Variants in ZNF879 observed in about 807,000 individuals in gnomAD.
ZNF879 encodes zinc finger protein 879.
In ZNF879, 32 loss-of-function variants were observed where a neutral mutation model predicts 44.3. The ratio of observed to expected loss-of-function variants is 0.72; its 90% CI spans 0.54 to 0.97. The LOEUF is 0.97. Among genes scored for constraint, ZNF879 ranks in the 50% least tolerant of loss-of-function variants. ZNF879 has a pLI of 0.00. For synonymous variants in ZNF879, 234 were observed against 233.2 expected (o/e 1.00, Z -0.03); for missense variants, 621 against 669.7 (o/e 0.93, Z 0.80).
chr5:179,030,481 A>G (rs1761389835), intron 4 of ZNF879, among the ~76,000 whole-genome samples: 1 of 152,262 alleles, frequency 6.6e-6, no homozygotes, highest in Non-Finnish European at 1.5e-5. Flanking sequence ...TTATATTGCC[A>G]TTAAAATGAT....
intron 2 of ZNF879, among the ~76,000 whole-genome samples, chr5:179,026,390 T>G (rs1432306596): frequency 6.6e-6 from 1 of 152,226 alleles, no homozygotes; most frequent in Non-Finnish European, 1.5e-5. Flanking sequence ...AAAAGTTAAC[T>G]TTTTCTGGTG....
In ZNF879 at chr5:179,034,532, A is replaced by C. The variant is rs908059898; in HGVS notation, c.*892A>C. The C allele has an allele frequency of 1.3e-5, 2 of 152,252 alleles. No individual in the cohort carries two copies. Among genetic ancestry groups the C allele is most frequent in the African/African-American group, 4.8e-5 (2 of 41,468 alleles). 9.4% of individuals were successfully genotyped at this position (152,252 alleles called of 1,614,324 possible). On this transcript the variant is annotated 3_prime_UTR_variant, in exon 5 of 5. Coordinates refer to ENST00000444149, the MANE Select transcript of ZNF879 (RefSeq NM_001136116.3). ...AAGGCCCAGGAACAATGTAGAACTC[A>C]GGTCATCATCCTTGGAGGTAAAATG...
At position 179,027,534 on chromosome 5, in the gene ZNF879, A is replaced by T; in HGVS notation, c.95A>T (p.Asp32Val). ...AGCCAGGACGAGTGGTTGCACCTGGACTCTGCCCAGAGAGCCTTGTACCGG... is the reference window on the plus strand; with the variant it reads ...AGCCAGGACGAGTGGTTGCACCTGGTCTCTGCCCAGAGAGCCTTGTACCGG... ...FFSQDEWLHL[D>V]SAQRALYREV... The change falls in exon 3 of 5, where the codon GAC becomes GTC. Residue 32 changes from aspartate (D) to valine (V), a missense_variant. Coordinates refer to ENST00000444149, the MANE Select transcript of ZNF879 (RefSeq NM_001136116.3). 1.2e-6 allele frequency: 2 copies of T among 1,614,020 alleles called. No homozygotes were observed. The highest frequency in any genetic ancestry group is 2.2e-5 in the South Asian group (2 of 91,068).
At chr5:179,025,298 C>T (rs1252291350) in intron 2 of ZNF879, among the ~76,000 whole-genome samples, 6 of 151,824 alleles carry the variant, frequency 4.0e-5, no homozygotes, top group Non-Finnish European at 8.8e-5. Context: ...TGGCTCACTG[C>T]AGCCTCAACC....
At chr5:179,024,882 A>G in intron 1 of ZNF879, 88 bp from the exon 2 acceptor site, 7 of 1,048,086 alleles carry the variant, frequency 6.7e-6, no homozygotes, top group Non-Finnish European at 9.9e-6. Flanking sequence ...GCAGGTGCTC[A>G]GCTTATGGCT....
Position 179,028,040 on chromosome 5 carries a change from T to A in ZNF879, c.169T>A (p.Phe57Ile). 6.4e-7 allele frequency: 1 copy of A among 1,551,476 alleles called. No individual in the cohort carries two copies. Among genetic ancestry groups the A allele is most frequent in the Non-Finnish European group, 8.7e-7 (1 of 1,146,874 alleles). ...TTCTTGTTCATGAACAGGGATTCTC[T>A]TTTCCAAGCCAAAGGTCATCTCCCA... The part of the protein sequence containing the change: ...YSILVSLGIL[F>I]SKPKVISQLE... The change falls in exon 4 of 5, where the codon TTT becomes ATT. Residue 57 changes from phenylalanine (F) to isoleucine (I), a missense_variant. Transcript: ENST00000444149.
intron 4 of ZNF879, among the ~76,000 whole-genome samples, chr5:179,028,642 A>G (rs1761336551): frequency 1.3e-5 from 2 of 152,176 alleles, no homozygotes; most frequent in African/African-American, 4.8e-5. Context: ...ACAAACGGTA[A>G]CAGTTACGGA....
chr5:179,027,993 T>C (rs1233999920), intron 3 of ZNF879, 39 bp from the exon 4 acceptor site: 3 of 1,537,148 alleles, frequency 2.0e-6, no homozygotes, highest in Non-Finnish European at 2.6e-6. Flanking sequence ...ACCCGCCTGC[T>C]ACGATGGCCG....
At chr5:179,029,799 A>T (rs536539479) in intron 4 of ZNF879, among the ~76,000 whole-genome samples, 54 of 152,334 alleles carry the variant, frequency 3.5e-4, no homozygotes, top group Non-Finnish European at 2.2e-4. Context: ...AAGATTGATT[A>T]TACAGTTTGT....
At chr5:179,027,450 C>T (rs368575719) in intron 2 of ZNF879, 23 bp from the exon 3 acceptor site, 3 of 1,612,878 alleles carry the variant, frequency 1.9e-6, no homozygotes, top group Non-Finnish European at 8.5e-7. Context: ...CCTGGATGAA[C>T]AGGAGTGGGT....
intron 4 of ZNF879, among the ~76,000 whole-genome samples, chr5:179,030,968 G>C (rs989281541): frequency 2.0e-5 from 3 of 152,098 alleles, no homozygotes; most frequent in African/African-American, 7.2e-5. Flanking sequence ...CTCTTTCATT[G>C]CCTCTGCGCT....
rs1411498616 is a variant in ZNF879 at position 179,028,024 on chromosome 5, A to G, written c.161-8A>G. 5 of 1,551,228 alleles carry G rather than the reference A, an allele frequency of 3.2e-6. No individual in the cohort carries two copies. The highest frequency in any genetic ancestry group is 2.6e-6 in the Non-Finnish European group (3 of 1,146,818). The stretch of plus-strand genomic sequence containing the variant: ...GGCCGCTCACGTTTCTTTCTTGTTC[A>G]TGAACAGGGATTCTCTTTTCCAAGC... On this transcript the variant is annotated splice_polypyrimidine_tract_variant and splice_region_variant and intron_variant, in intron 3 of 4. Transcript: ENST00000444149.
At chr5:179,027,069 G>A (rs1761293152) in intron 2 of ZNF879, among the ~76,000 whole-genome samples, 1 of 152,184 alleles carries the variant, frequency 6.6e-6, no homozygotes, top group Non-Finnish European at 1.5e-5. Flanking sequence ...GCAGAACTAG[G>A]ACTCAGTGAC....
rs1480669218 is a variant in ZNF879 at position 179,033,107 on chromosome 5, C to T, written c.1159C>T (p.Leu387Phe). ...AAAAGTATTCAGCTATCACTCAGCC[C>T]TTATCATACATCAGAGAATTCACAC... ...CGKVFSYHSA[L>F]IIHQRIHTGE... Residue 387 changes from leucine (L) to phenylalanine (F), a missense_variant, in exon 5 of 5, where the codon CTT becomes TTT. Physicochemically the swap from Leu to Phe is conservative, Grantham distance 22 (BLOSUM62 0). Coordinates refer to ENST00000444149, the MANE Select transcript of ZNF879 (RefSeq NM_001136116.3). The T allele has an allele frequency of 1.3e-6, 2 of 1,576,748 alleles. No homozygotes were observed. Among genetic ancestry groups the T allele is most frequent in the Admixed American group, 1.9e-5 (1 of 53,786 alleles).
At chr5:179,025,903 C>T (rs139110979) in intron 2 of ZNF879, among the ~76,000 whole-genome samples, 35 of 144,380 alleles carry the variant, frequency 2.4e-4, no homozygotes, top group African/African-American at 9.0e-4. Context: ...CGTGACACAG[C>T]GAGACTCCGT....
Position 179,033,160 on chromosome 5 carries a change from ATG to A in ZNF879, c.1215_1216del (p.Cys405TrpfsTer26), listed in dbSNP as rs766647489. The A allele has an allele frequency of 7.6e-5, 121 of 1,592,066 alleles. No individual in the cohort carries two copies. Among genetic ancestry groups the A allele is most frequent in the Non-Finnish European group, 9.0e-5 (105 of 1,168,938 alleles). ...GTGAGAAACCATATGCATGCAAAGA[ATG>A]TGGGAAAGCCTTCAGCCAAAGCTCA... ...TGEKPYACKE[C>X]GKAFSQSSAL... On this transcript the variant is annotated frameshift_variant, in exon 5 of 5. Coordinates refer to ENST00000444149, the MANE Select transcript of ZNF879 (RefSeq NM_001136116.3). LOFTEE classifies it high-confidence loss of function.
chr5:179,027,035 C>A (rs1396872176), intron 2 of ZNF879, among the ~76,000 whole-genome samples: 1 of 152,194 alleles, frequency 6.6e-6, no homozygotes, highest in African/African-American at 2.4e-5. Flanking sequence ...TTTCCCAGGA[C>A]TCATAGAGAT....
Position 179,033,469 on chromosome 5 carries a change from T to C in ZNF879, c.1521T>C (p.Thr507=). The C allele has an allele frequency of 6.4e-7, 1 of 1,565,768 alleles. No homozygotes were observed. Among genetic ancestry groups the C allele is most frequent in the Non-Finnish European group, 8.7e-7 (1 of 1,155,162 alleles). Residue 507 remains threonine, a synonymous_variant, in exon 5 of 5, where the codon ACT becomes ACC. Coordinates refer to ENST00000444149, the MANE Select transcript of ZNF879 (RefSeq NM_001136116.3). ...SALIQHQRIH[T]GEKPYNCKVC... ...TAATTCAGCACCAGAGAATTCATAC[T>C]GGAGAGAAACCATATAATTGTAAAG...
rs762759832 is a variant in ZNF879 at position 179,033,575 on chromosome 5, A to G, written c.1627A>G (p.Lys543Glu). ...IHTGEKPYKC[K>E]ECGKAFSQSS... ...TACAGGGGAAAAACCTTATAAATGT[A>G]AAGAATGTGGGAAGGCTTTTAGTCA... Residue 543 changes from lysine to glutamate, a missense_variant, in exon 5 of 5, where the codon AAA becomes GAA. Lys to Glu is a moderately conservative substitution (Grantham distance 56). Coordinates refer to ENST00000444149, the MANE Select transcript of ZNF879 (RefSeq NM_001136116.3). The G allele has an allele frequency of 4.3e-5, 67 of 1,549,196 alleles. No individual in the cohort carries two copies. Among genetic ancestry groups the G allele is most frequent in the Non-Finnish European group, 5.8e-5 (67 of 1,146,634 alleles).
Sources: allele counts gnomAD v4.1 joint callset (sites outside exome capture counted in the v4.1 genomes callset), GRCh38; gene constraint gnomAD v4.1.1; transcripts MANE v1.5; gene names NCBI Gene and HGNC (gene_info 2026-07-23, HGNC 2026-07-21).